KCNMA1: variants seen among roughly 807,000 people sequenced by gnomAD.
KCNMA1 encodes the protein Calcium-activated potassium channel subunit alpha-1.
A neutral mutation model predicts 140.0 loss-of-function variants in KCNMA1; 29 were observed. The ratio of observed to expected loss-of-function variants is 0.21; its 90% CI spans 0.15 to 0.28. The LOEUF (loss-of-function observed/expected upper bound fraction) is 0.28. Ranked by LOEUF, KCNMA1 falls within the 10% of genes least tolerant of loss-of-function variation. KCNMA1 has a pLI of 1.00. For synonymous variants in KCNMA1, 612 were observed against 611.9 expected, an observed-to-expected ratio of 1.00 and a Z score of 0.00; for missense variants, 880 against 1,602.2, an observed-to-expected ratio of 0.55 and a Z score of 7.70.
intron 1 of KCNMA1, among the ~76,000 whole-genome samples, chr10:77,506,630 A>T (rs1290856555): frequency 9.1e-5 from 12 of 132,446 alleles, no homozygotes; most frequent in African/African-American, 3.6e-4. Flanking sequence ...TTAGAGAGGG[A>T]GAGAGACAGA....
At chr10:76,975,478 C>G (rs1480934230) in intron 19 of KCNMA1, 2 of 152,198 alleles carry the variant, frequency 1.3e-5, no homozygotes, top group Non-Finnish European at 2.9e-5. Context: ...AGCTGAACAA[C>G]CCATACTGTG....
chr10:76,923,074 C>T (rs2056459267), intron 23 of KCNMA1, among the ~76,000 whole-genome samples: 2 of 152,140 alleles, frequency 1.3e-5, no homozygotes, highest in Non-Finnish European at 1.5e-5. Flanking sequence ...AAGTTGACTC[C>T]ACCCACTGAA....
intron 3 of KCNMA1, among the ~76,000 whole-genome samples, chr10:77,222,711 C>T (rs898028438): frequency 1.3e-5 from 2 of 152,172 alleles, no homozygotes; most frequent in Middle Eastern, 3.2e-3. Context: ...GCCAACAGAA[C>T]GCAGGCCAAG....
chr10:77,125,265 A>G (rs2097707847), intron 5 of KCNMA1, among the ~76,000 whole-genome samples: 1 of 152,192 alleles, frequency 6.6e-6, no homozygotes, highest in African/African-American at 2.4e-5. Flanking sequence ...CACACAGAGT[A>G]AAAGTCAAAG....
In KCNMA1 at chr10:76,944,792, G is replaced by T. The variant is rs1363545298; in HGVS notation, c.2883C>A (p.Val961=). The change falls in exon 23 of 28, where the codon GTC becomes GTA. Residue 961 remains valine, a synonymous_variant. Coordinates refer to ENST00000286628, the MANE Select transcript of KCNMA1 (RefSeq NM_001161352.2). The part of the protein sequence containing the change: ...KSMQFDDSIG[V]LQANSQGFTP... Reference sequence around the variant, plus strand: ...CCTTACCTTGGGAATTAGCCTGCAAGACTCCGATGCTGTCATCAAACTGCA... The same window carrying T: ...CCTTACCTTGGGAATTAGCCTGCAATACTCCGATGCTGTCATCAAACTGCA... The T allele has an allele frequency of 3.1e-6, 5 of 1,614,120 alleles. No homozygotes were observed. Among genetic ancestry groups the T allele is most frequent in the Non-Finnish European group, 4.2e-6 (5 of 1,179,990 alleles).
At chr10:77,636,275 G>A (rs2093713965) in intron 1 of KCNMA1, 2 of 1,451,312 alleles carry the variant, frequency 1.4e-6, no homozygotes, top group Admixed American at 5.1e-5. Context: ...GTGGCTGTGG[G>A]GAAGGGAAGA....
chr10:77,452,331 C>T (rs1163271618), intron 1 of KCNMA1, among the ~76,000 whole-genome samples: 8 of 152,202 alleles, frequency 5.3e-5, no homozygotes, highest in Non-Finnish European at 1.2e-4. Context: ...GGGCCCAAAA[C>T]ATGGCTGACA....
At chr10:77,594,081 G>A (rs1231399006) in intron 1 of KCNMA1, among the ~76,000 whole-genome samples, 1 of 152,156 alleles carries the variant, frequency 6.6e-6, no homozygotes, top group Admixed American at 6.5e-5. Context: ...AAATGGGAGT[G>A]TGAAGAAAAA....
intron 1 of KCNMA1, among the ~76,000 whole-genome samples, chr10:77,500,207 A>G (rs2154544822): frequency 6.6e-6 from 1 of 151,242 alleles, no homozygotes; most frequent in South Asian, 2.1e-4. Flanking sequence ...TAGTTATTAC[A>G]ATCAAAATGT....
intron 20 of KCNMA1, among the ~76,000 whole-genome samples, 164 bp from the exon 21 acceptor site, chr10:76,954,088 C>A (rs2067252589): frequency 6.6e-6 from 1 of 152,138 alleles, no homozygotes; most frequent in African/African-American, 2.4e-5. Flanking sequence ...GAGACAACTG[C>A]CCCAAACCAC....
At chr10:77,608,411 C>T (rs1463935191) in intron 1 of KCNMA1, among the ~76,000 whole-genome samples, 3 of 152,046 alleles carry the variant, frequency 2.0e-5, no homozygotes, top group South Asian at 2.1e-4. Flanking sequence ...TGGGCTCAAG[C>T]GATCCACCCG....
At chr10:77,553,961 G>A (rs1409000223) in intron 1 of KCNMA1, among the ~76,000 whole-genome samples, 1 of 151,050 alleles carries the variant, frequency 6.6e-6, no homozygotes, top group Non-Finnish European at 1.5e-5. Context: ...TGTAGGTCTT[G>A]AGCAGGGATC....
intron 1 of KCNMA1, chr10:77,634,212 T>C (rs1487794099): frequency 1.0e-6 from 1 of 985,408 alleles, no homozygotes. Flanking sequence ...CCCAAGTGAA[T>C]AGAGAGCTCT....
chr10:77,281,488 C>G (rs191243410), intron 2 of KCNMA1, among the ~76,000 whole-genome samples: 19 of 152,266 alleles, frequency 1.2e-4, no homozygotes, highest in Non-Finnish European at 2.2e-4. Context: ...AAAACCATAA[C>G]AGGGATATAT....
At chr10:77,119,463 G>T (rs1282640551) in intron 6 of KCNMA1, among the ~76,000 whole-genome samples, 1 of 152,144 alleles carries the variant, frequency 6.6e-6, no homozygotes, top group East Asian at 1.9e-4. Context: ...GTCTCTTAAG[G>T]ACAAGGCTCT....
chr10:77,184,923 G>A lies in KCNMA1; in HGVS notation c.603-7C>T. 1.3e-6 allele frequency: 2 copies of A among 1,567,076 alleles called. No individual in the cohort carries two copies. The highest frequency in any genetic ancestry group is 1.8e-6 in the Non-Finnish European group (2 of 1,137,468). On this transcript the variant is annotated splice_polypyrimidine_tract_variant and splice_region_variant and intron_variant, in intron 3 of 27. Transcript: ENST00000286628. ...CTGGCAGGATTCTATTGGGCTATTAGACAGGAAGAAGAAAAAGCAAGAGGT... is the reference window on the plus strand; with the variant it reads ...CTGGCAGGATTCTATTGGGCTATTAAACAGGAAGAAGAAAAAGCAAGAGGT...
chr10:77,303,177 T>C (rs1207967516), intron 2 of KCNMA1, among the ~76,000 whole-genome samples: 2 of 152,200 alleles, frequency 1.3e-5, no homozygotes, highest in Non-Finnish European at 2.9e-5. Flanking sequence ...GAAGTGAATG[T>C]TCCTTCTCCC....
intron 10 of KCNMA1, among the ~76,000 whole-genome samples, chr10:77,086,989 C>A (rs564378258): frequency 4.6e-5 from 7 of 152,326 alleles, no homozygotes; most frequent in African/African-American, 1.7e-4. Flanking sequence ...CTGGGAGAGT[C>A]TCTGGATGAG....
At chr10:77,637,212 G>A (rs1051053482) in intron 1 of KCNMA1, 53 bp downstream of exon 1, 21 of 1,494,940 alleles carry the variant, frequency 1.4e-5, no homozygotes, top group Non-Finnish European at 1.5e-5. Context: ...TGCAGGGGAC[G>A]CCGAGAAGCG....
Sources: allele counts gnomAD v4.1 joint callset (sites outside exome capture counted in the v4.1 genomes callset), GRCh38; gene constraint gnomAD v4.1.1; transcripts MANE v1.5; gene names NCBI Gene and HGNC (gene_info 2026-07-23, HGNC 2026-07-21).